NCKAP5: variants seen among roughly 807,000 people sequenced by gnomAD.
NCKAP5 encodes the protein nck-associated protein 5.
Under a neutral mutation model 167.0 loss-of-function variants are expected in NCKAP5, and 92 were observed. The observed-to-expected ratio is 0.55, with a 90% CI of 0.47 to 0.66. NCKAP5 has a LOEUF of 0.66. Ranked by LOEUF, NCKAP5 falls within the 30% of genes least tolerant of loss-of-function variation. NCKAP5 has a pLI of 0.00. For missense variants in NCKAP5, 2,378 were observed against 2,315.0 expected (o/e 1.03, Z -0.56); for synonymous variants, 891 against 877.4 (o/e 1.02, Z -0.27).
At chr2:132,790,253 T>C (rs1280409879) in intron 12 of NCKAP5, 48 bp from the exon 13 acceptor site, 6 of 1,520,456 alleles carry the variant, frequency 3.9e-6, no homozygotes, top group Non-Finnish European at 4.5e-6. Context: ...CAGAGGAGAG[T>C]AAATATCAAC....
the NCKAP5 span, among the ~76,000 whole-genome samples, chr2:133,646,841 T>C: frequency 1.3e-5 from 2 of 152,108 alleles, no homozygotes; most frequent in Non-Finnish European, 1.5e-5. Flanking sequence ...ATAACGTATG[T>C]AGGGAGGGAG....
rs187364073 is a variant in NCKAP5 at position 132,808,795 on chromosome 2, C to T, written c.808-12066G>A. On this transcript the variant is annotated intron_variant, in intron 11 of 19. Coordinates refer to ENST00000409261, the MANE Select transcript of NCKAP5 (RefSeq NM_207363.3). ...GTTCTGCTGTGATCTTGGTTATTTC[C>T]TTTCTACTGCTGGGTTTGAGTTTGG... 1.4e-3 allele frequency among the ~76,000 whole-genome samples: 215 copies of T among 151,628 alleles called. 1 individual carries two copies. The highest frequency in any genetic ancestry group is 4.9e-3 in the African/African-American group (204 of 41,388).
At chr2:132,765,707 C>T (rs868679406) in intron 16 of NCKAP5, among the ~76,000 whole-genome samples, 3 of 152,110 alleles carry the variant, frequency 2.0e-5, no homozygotes, top group Admixed American at 6.5e-5. Flanking sequence ...GGCTGAGATG[C>T]TAGATGTCCC....
intron 11 of NCKAP5, among the ~76,000 whole-genome samples, chr2:132,848,700 G>A (rs952513866): frequency 9.9e-5 from 15 of 152,208 alleles, no homozygotes; most frequent in Admixed American, 4.6e-4. Context: ...GTGCATGTCT[G>A]TAGTCCCAGC....
chr2:132,887,970 T>C (rs995100575), intron 8 of NCKAP5, among the ~76,000 whole-genome samples: 6 of 152,208 alleles, frequency 3.9e-5, no homozygotes, highest in Admixed American at 1.3e-4. Flanking sequence ...TTGAACCTTA[T>C]CACAAGTAGG....
At chr2:132,792,891 C>T (rs1684184645) in intron 12 of NCKAP5, among the ~76,000 whole-genome samples, 1 of 152,104 alleles carries the variant, frequency 6.6e-6, no homozygotes, top group Admixed American at 6.5e-5. Context: ...TGTTTACCTC[C>T]TGTATAGATG....
chr2:132,920,743 GTGTATATATATATGTATATA>G (rs1695303041), intron 8 of NCKAP5, among the ~76,000 whole-genome samples: 1 of 68,456 alleles, frequency 1.5e-5, no homozygotes, highest in Non-Finnish European at 2.4e-5. Context: ...GTATATATAT[GTGTATATATATATGTATATA>G]TATGTATGTA....
At chr2:132,787,748 A>T (rs1265385204) in intron 13 of NCKAP5, among the ~76,000 whole-genome samples, 1 of 152,146 alleles carries the variant, frequency 6.6e-6, no homozygotes, top group Admixed American at 6.5e-5. Context: ...AAGAAATCCC[A>T]TTAGTGAATC....
intron 5 of NCKAP5, among the ~76,000 whole-genome samples, chr2:133,199,341 T>C (rs978859718): frequency 6.6e-6 from 1 of 151,988 alleles, no homozygotes; most frequent in Non-Finnish European, 1.5e-5. Context: ...CAACACATAT[T>C]TTGACAAGAG....
the NCKAP5 span, among the ~76,000 whole-genome samples, chr2:133,605,481 T>C: frequency 3.3e-5 from 5 of 151,774 alleles, no homozygotes; most frequent in African/African-American, 1.2e-4. Context: ...GGGTGTGTGG[T>C]GGGGGGAAGG....
chr2:132,950,368 C>T (rs925946000), intron 8 of NCKAP5, among the ~76,000 whole-genome samples: 3 of 152,034 alleles, frequency 2.0e-5, no homozygotes, highest in Non-Finnish European at 2.9e-5. Flanking sequence ...TATTATTCTT[C>T]AATATATGAT....
intron 16 of NCKAP5, among the ~76,000 whole-genome samples, chr2:132,752,590 A>T (rs773500241): frequency 6.6e-6 from 1 of 152,244 alleles, no homozygotes; most frequent in Non-Finnish European, 1.5e-5. Flanking sequence ...GCCTGGATGA[A>T]GCAAACATGG....
intron 8 of NCKAP5, among the ~76,000 whole-genome samples, chr2:132,882,852 T>C (rs868800917): frequency 1.6e-4 from 24 of 152,210 alleles, no homozygotes; most frequent in African/African-American, 5.3e-4. Context: ...TCTTTAATAG[T>C]GTCATTATCC....
At chr2:132,911,531 A>G (rs1429158727) in intron 8 of NCKAP5, among the ~76,000 whole-genome samples, 1 of 152,304 alleles carries the variant, frequency 6.6e-6, no homozygotes, top group East Asian at 1.9e-4. Flanking sequence ...TTTAAAAATC[A>G]AATTTTGTTG....
At chr2:132,693,612 AC>A (rs1687016106) in intron 19 of NCKAP5, among the ~76,000 whole-genome samples, 1 of 71,360 alleles carries the variant, frequency 1.4e-5, no homozygotes, top group Admixed American at 1.6e-4. Context: ...CGAATACCCC[AC>A]CCCGCCTTTT....
At chr2:133,225,997 T>C (rs2086870268) in intron 4 of NCKAP5, among the ~76,000 whole-genome samples, 2 of 152,000 alleles carry the variant, frequency 1.3e-5, no homozygotes, top group African/African-American at 4.8e-5. Flanking sequence ...TTGGCCAGGA[T>C]GGTCTCAATC....
At chr2:133,319,615 A>G (rs1202024534) in intron 3 of NCKAP5, among the ~76,000 whole-genome samples, 1 of 152,188 alleles carries the variant, frequency 6.6e-6, no homozygotes, top group African/African-American at 2.4e-5. Context: ...TAAAATATAC[A>G]TATTTGGGAT....
At chr2:133,384,582 A>T (rs1686789108) in intron 3 of NCKAP5, among the ~76,000 whole-genome samples, 1 of 152,156 alleles carries the variant, frequency 6.6e-6, no homozygotes, top group South Asian at 2.1e-4. Context: ...GTTTTTTCCA[A>T]TTCTGTGAAG....
intron 5 of NCKAP5, among the ~76,000 whole-genome samples, chr2:133,149,099 C>T (rs753861925): frequency 3.9e-5 from 6 of 152,114 alleles, no homozygotes; most frequent in African/African-American, 1.4e-4. Flanking sequence ...CTGTTCATCT[C>T]TAAACTCTTC....
Sources: gnomAD v4.1 joint callset for allele counts (sites outside exome capture counted in the v4.1 genomes callset) on GRCh38, gnomAD v4.1.1 for gene constraint, MANE v1.5 for transcripts, NCBI Gene and HGNC (gene_info 2026-07-23, HGNC 2026-07-21) for gene names.